The following CDH4 variants were observed in gnomAD, a reference collection of about 807,000 sequenced individuals.
CDH4 encodes the protein cadherin-4.
In CDH4, 33 loss-of-function variants were observed where a neutral mutation model predicts 86.0. The observed-to-expected ratio is 0.38, with a 90% CI of 0.29 to 0.51. The LOEUF is 0.51. Ranked by LOEUF, CDH4 falls within the 20% of genes least tolerant of loss-of-function variation. The pLI is 0.86. For missense variants in CDH4, 1,114 were observed against 1,307.4 expected, an observed-to-expected ratio of 0.85 and a Z score of 2.28; for synonymous variants, 555 against 549.4, an observed-to-expected ratio of 1.01 and a Z score of -0.14.
intron 6 of CDH4, among the ~76,000 whole-genome samples, chr20:61,868,561 G>A (rs1357647742): frequency 6.6e-6 from 1 of 152,228 alleles, no homozygotes; most frequent in African/African-American, 2.4e-5. Context: ...GCTGTCATCA[G>A]CCTTAAGGCA....
intron 2 of CDH4, among the ~76,000 whole-genome samples, chr20:61,411,515 C>G (rs1251986270): frequency 6.6e-6 from 1 of 151,820 alleles, no homozygotes; most frequent in African/African-American, 2.4e-5. Flanking sequence ...TCAAAACGGC[C>G]CAGCTTCAAC....
At chr20:61,634,450 CG>C (rs1276923168) in intron 2 of CDH4, among the ~76,000 whole-genome samples, 1 of 152,168 alleles carries the variant, frequency 6.6e-6, no homozygotes, top group African/African-American at 2.4e-5. Flanking sequence ...CCCTGACTTC[CG>C]CGAGTGTTCT....
chr20:61,734,018 G>T (rs2088229830), intron 2 of CDH4, among the ~76,000 whole-genome samples: 1 of 152,228 alleles, frequency 6.6e-6, no homozygotes, highest in Non-Finnish European at 1.5e-5. Context: ...AGCGCAGGCT[G>T]TCTCCTGGCC....
intron 2 of CDH4, among the ~76,000 whole-genome samples, chr20:61,622,908 G>T (rs910230167): frequency 2.0e-5 from 3 of 152,168 alleles, no homozygotes; most frequent in African/African-American, 7.2e-5. Flanking sequence ...GGTGGCTGCG[G>T]AGTTTAAGAG....
At chr20:61,559,857 C>T (rs1230001699) in intron 2 of CDH4, among the ~76,000 whole-genome samples, 2 of 152,110 alleles carry the variant, frequency 1.3e-5, no homozygotes, top group Admixed American at 1.3e-4. Context: ...GCTGGCCATG[C>T]CGCTGGCTTC....
At chr20:61,446,489 T>C (rs2085350909) in intron 2 of CDH4, among the ~76,000 whole-genome samples, 1 of 152,232 alleles carries the variant, frequency 6.6e-6, no homozygotes, top group African/African-American at 2.4e-5. Context: ...TTCCGTGTCA[T>C]CAAACGTTCA....
intron 2 of CDH4, among the ~76,000 whole-genome samples, chr20:61,675,942 G>T (rs187621580): frequency 6.6e-6 from 1 of 152,354 alleles, no homozygotes; most frequent in African/African-American, 2.4e-5. Context: ...TGCTCTACCT[G>T]GAGGCCCACT....
At chr20:61,685,705 G>A (rs925841499) in intron 2 of CDH4, among the ~76,000 whole-genome samples, 1 of 152,274 alleles carries the variant, frequency 6.6e-6, no homozygotes, top group Non-Finnish European at 1.5e-5. Flanking sequence ...ACCCCTTCCC[G>A]CTGTCCGGAC....
chr20:61,344,118 C>T (rs2084664096), intron 2 of CDH4, among the ~76,000 whole-genome samples: 1 of 152,010 alleles, frequency 6.6e-6, no homozygotes, highest in Non-Finnish European at 1.5e-5. Context: ...CACTGTGGGG[C>T]CGAGGGAAGC....
intron 2 of CDH4, among the ~76,000 whole-genome samples, chr20:61,427,344 T>C (rs2085220686): frequency 6.6e-6 from 1 of 152,124 alleles, no homozygotes; most frequent in Non-Finnish European, 1.5e-5. Flanking sequence ...ATGTGTCTCT[T>C]CTCCCAGCAC....
chr20:61,584,200 T>C (rs1164743978), intron 2 of CDH4, among the ~76,000 whole-genome samples: 2 of 152,298 alleles, frequency 1.3e-5, no homozygotes, highest in East Asian at 3.9e-4. Flanking sequence ...CCTGCTAAAC[T>C]CCTTCTAGTG....
chr20:61,829,727 G>A lies in CDH4; in HGVS notation c.577-14941G>A, dbSNP rs1274105820. Among the ~76,000 whole-genome samples, 1 of 152,192 alleles carries A rather than the reference G, an allele frequency of 6.6e-6. No individual in the cohort carries two copies. On this transcript the variant is annotated intron_variant, in intron 4 of 15. Transcript: ENST00000614565. The surrounding 1 kb of genome is among the most constrained non-coding windows in gnomAD (Gnocchi z 4.2). ...CCCTCTGTGCCGACGCCCGTGGGCT[G>A]CAGACGGGTGGGTGACTGTGGGACC...
chr20:61,913,837 C>T (rs1448672169), intron 9 of CDH4, among the ~76,000 whole-genome samples: 3 of 152,198 alleles, frequency 2.0e-5, no homozygotes, highest in Admixed American at 2.0e-4. Context: ...CAGGTGGGCA[C>T]AGCCGGGCAC....
intron 2 of CDH4, among the ~76,000 whole-genome samples, chr20:61,604,922 G>A (rs918893015): frequency 3.0e-3 from 61 of 20,576 alleles, no homozygotes; most frequent in African/African-American, 5.5e-3. Flanking sequence ...TGGAAGGACA[G>A]GTTCCTGCTG....
intron 2 of CDH4, among the ~76,000 whole-genome samples, chr20:61,483,905 A>T (rs1197838846): frequency 6.6e-6 from 1 of 152,134 alleles, no homozygotes; most frequent in Non-Finnish European, 1.5e-5. Context: ...GTGTAGTTTT[A>T]TCTTACCACG....
At chr20:61,359,810 C>T (rs2084774200) in intron 2 of CDH4, among the ~76,000 whole-genome samples, 1 of 152,174 alleles carries the variant, frequency 6.6e-6, no homozygotes, top group South Asian at 2.1e-4. Context: ...GGCTTCACCC[C>T]AGCGAGATGG....
intron 2 of CDH4, among the ~76,000 whole-genome samples, chr20:61,314,804 G>A (rs2084467518): frequency 6.6e-6 from 1 of 152,156 alleles, no homozygotes; most frequent in African/African-American, 2.4e-5. Flanking sequence ...TATCCTCGTC[G>A]TTTTGACAGT....
chr20:61,926,188 G>A (rs181118513), intron 11 of CDH4, among the ~76,000 whole-genome samples: 68 of 152,334 alleles, frequency 4.5e-4, no homozygotes, highest in Admixed American at 4.2e-3. Flanking sequence ...CAGGGGCTCC[G>A]CTCTGAGGAG....
At chr20:61,918,445 C>T (rs1411764992) in intron 9 of CDH4, among the ~76,000 whole-genome samples, 1 of 152,178 alleles carries the variant, frequency 6.6e-6, no homozygotes, top group Non-Finnish European at 1.5e-5. Context: ...AGATGAACCA[C>T]ACTGGCGCTG....
Sources: gnomAD v4.1 joint callset for allele counts (sites outside exome capture counted in the v4.1 genomes callset) on GRCh38, gnomAD v4.1.1 for gene constraint, Gnocchi (gnomAD v3.1) non-coding constraint, MANE v1.5 for transcripts, NCBI Gene and HGNC (gene_info 2026-07-23, HGNC 2026-07-21) for gene names.